CES1: variants seen among roughly 807,000 people sequenced by gnomAD.
The protein encoded by CES1 is liver carboxylesterase 1.
In CES1, 50 loss-of-function variants were observed where a neutral mutation model predicts 53.0. The observed-to-expected ratio is 0.94, with a 90% CI of 0.75 to 1.19. CES1 has a LOEUF of 1.19. Ranked by LOEUF, CES1 falls within the 50% of genes most tolerant of loss-of-function variation. The probability of loss-of-function intolerance (pLI) is 0.00; values close to 1 mark genes in which losing one functional copy is unlikely to be tolerated. For synonymous variants in CES1, 202 were observed against 210.1 expected, an observed-to-expected ratio of 0.96 and a Z score of 0.33; for missense variants, 534 against 538.0, an observed-to-expected ratio of 0.99 and a Z score of 0.07.
At chr16:55,812,585 C>A (rs1445045239) in intron 9 of CES1, among the ~76,000 whole-genome samples, 3 of 152,190 alleles carry the variant, frequency 2.0e-5, no homozygotes, top group African/African-American at 7.2e-5. Flanking sequence ...CTCCTCCACT[C>A]CTTCCCCCTT....
chr16:55,812,939 T>G lies in CES1; in HGVS notation c.1050A>C (p.Gly350=). 2 of 1,614,140 alleles carry G rather than the reference T, an allele frequency of 1.2e-6. No homozygotes were observed. Among genetic ancestry groups the G allele is most frequent in the Non-Finnish European group, 1.7e-6 (2 of 1,179,994 alleles). The stretch of plus-strand genomic sequence containing the variant: ...ACCAGCCAAACTCCTGCTTGTTAAT[T>G]CCGACCATGTAGGGGACAGTGTGGA... The part of the protein sequence containing the change: ...RNFHTVPYMV[G]INKQEFGWLI... Residue 350 remains glycine (G), a synonymous_variant, in exon 9 of 14, where the codon GGA becomes GGC. Transcript: ENST00000360526.
rs374393054 is a variant in CES1 at position 55,830,672 on chromosome 16, A to T, written c.53-1698T>A. Among the ~76,000 whole-genome samples the T allele has an allele frequency of 1.2e-4, 18 of 151,788 alleles. No homozygotes were observed. In the East Asian group the frequency reaches 2.9e-3, roughly 24 times the overall value. ...AGAAAAATTAGCTGGGTGTGGTAGC[A>T]TGTGCCTGTAATCCTGGCTCCTCCA... is the stretch of plus-strand genomic sequence containing the variant. On this transcript the variant is annotated intron_variant, in intron 1 of 13. Coordinates refer to ENST00000360526, the MANE Select transcript of CES1 (RefSeq NM_001025195.2).
At chr16:55,817,482 C>T (rs559649665) in intron 7 of CES1, among the ~76,000 whole-genome samples, 5 of 152,340 alleles carry the variant, frequency 3.3e-5, no homozygotes, top group African/African-American at 9.6e-5. Context: ...AAAGCCCTGA[C>T]TCACGCAAGC....
rs556643351 is a variant in CES1, at chr16:55,818,693, T to C, written c.906+842A>G. ...CCTTGAGAGCAGGGACTATGTCCAC[T>C]TCATGTCTGTTTTGCTACCTCTAAC... On this transcript the variant is annotated intron_variant, in intron 7 of 13. Transcript: ENST00000360526. Among the ~76,000 whole-genome samples, 3 of 152,066 alleles carry C rather than the reference T, an allele frequency of 2.0e-5. No homozygotes were observed. The South Asian group carries it at 6.2e-4, about 32-fold the overall frequency.
intron 5 of CES1, among the ~76,000 whole-genome samples, chr16:55,821,079 A>AGAGAG (rs1347233699): frequency 6.6e-6 from 1 of 151,746 alleles, no homozygotes; most frequent in Non-Finnish European, 1.5e-5. Flanking sequence ...AGAGAAAGAG[A>AGAGAG]GAGAGAGAGA....
intron 5 of CES1, among the ~76,000 whole-genome samples, chr16:55,821,013 C>T (rs780172434): frequency 1.3e-5 from 2 of 152,082 alleles, no homozygotes; most frequent in Non-Finnish European, 2.9e-5. Flanking sequence ...ATGCCTATTC[C>T]TACTTCCCAA....
rs144078935 is a variant in CES1, at chr16:55,819,579, G to A, written c.862C>T (p.Arg288Ter). The A allele has an allele frequency of 7.6e-5, 123 of 1,614,054 alleles. No individual in the cohort carries two copies. Among genetic ancestry groups the A allele is most frequent in the Middle Eastern group, 6.6e-4 (4 of 6,062 alleles). ...TTSAVMVHCLRQKTEEELLET... is the reference protein window; with the variant it reads ...TTSAVMVHCL ...AAGAGCTCCTCTTCCGTCTTCTGTC[G>A]CAGGCAGTGAACCATGACAGCAGAG... The change falls in exon 7 of 14, where the codon CGA becomes TGA. Residue 288 changes from arginine (R) to a stop codon, truncating the protein, a stop_gained. Transcript: ENST00000360526. LOFTEE classifies it high-confidence loss of function.
In CES1 at chr16:55,809,093, C is replaced by CAAAAAA. The variant is rs376932562; in HGVS notation, c.1318+1418_1318+1423dup. ...GTAGATAAAATCTGTGTAGTCCTGGCAAAAAAAAAAAAAAAAAAGCCCTGA... is the reference window on the plus strand; with the variant it reads ...GTAGATAAAATCTGTGTAGTCCTGGCAAAAAAAAAAAAAAAAAAAAAAAAGCCCTGA... On this transcript the variant is annotated intron_variant, in intron 11 of 13. Coordinates refer to ENST00000360526, the MANE Select transcript of CES1 (RefSeq NM_001025195.2). Among the ~76,000 whole-genome samples the CAAAAAA allele has an allele frequency of 4.5e-3, 326 of 71,990 alleles. 51 individuals are homozygous for CAAAAAA. The highest frequency in any genetic ancestry group is 0.014 in the African/African-American group (248 of 18,002). 47.2% of individuals were successfully genotyped at this position (71,990 alleles called of 152,430 possible).
chr16:55,830,803 A>AAGGAAGGAAGGAAGGG (rs1375372633), intron 1 of CES1, among the ~76,000 whole-genome samples: 2,937 of 145,434 alleles, frequency 0.02, 126 homozygotes, highest in African/African-American at 0.069. Context: ...GGAAGGAAGG[A>AAGGAAGGAAGGAAGGG]AGGAAGGAAG....
chr16:55,826,392 A>G, intron 2 of CES1, 97 bp from the exon 3 acceptor site: 12 of 1,425,326 alleles, frequency 8.4e-6, no homozygotes, highest in Non-Finnish European at 1.2e-5. Flanking sequence ...AAGCCTGGAA[A>G]TGGACTTGAT....
At chr16:55,826,094 C>T in intron 3 of CES1, 57 bp downstream of exon 3, 3 of 1,611,594 alleles carry the variant, frequency 1.9e-6, no homozygotes, top group Non-Finnish European at 8.5e-7. Flanking sequence ...CATTCTGCCC[C>T]AGAAGATGCG....
chr16:55,828,074 G>A (rs1338652272), intron 2 of CES1: 1 of 152,558 alleles, frequency 6.6e-6, no homozygotes. Context: ...GCGGCCACTG[G>A]TGGGCTGCTG....
chr16:55,827,085 A>G (rs534367150), intron 2 of CES1, among the ~76,000 whole-genome samples: 1 of 152,226 alleles, frequency 6.6e-6, no homozygotes, highest in East Asian at 1.9e-4. Flanking sequence ...CAAGTATATT[A>G]TAAGCAACAG....
chr16:55,819,958 C>G, intron 6 of CES1: 2 of 550,282 alleles, frequency 3.6e-6, no homozygotes, highest in South Asian at 4.0e-5. Flanking sequence ...CCTGAATTTC[C>G]TTGTCTGCTT....
chr16:55,818,702 G>A (rs372276905), intron 7 of CES1, among the ~76,000 whole-genome samples: 9 of 151,878 alleles, frequency 5.9e-5, no homozygotes, highest in African/African-American at 2.2e-4. Context: ...CTTCATGTCT[G>A]TTTTGCTACC....
intron 7 of CES1, among the ~76,000 whole-genome samples, chr16:55,819,259 A>G (rs1351657794): frequency 4.6e-5 from 7 of 152,244 alleles, no homozygotes; most frequent in Admixed American, 4.6e-4. Flanking sequence ...GTAACATTTA[A>G]TTTCTTAAAA....
In CES1 at chr16:55,833,092, T is replaced by C. The variant is rs764586605; in HGVS notation, c.-37A>G. ...GACAGTTCTCGGGGCCTGCGAGGTC[T>C]CTGTGCAGTTCAGAGGGACTGTGCT... is the stretch of plus-strand genomic sequence containing the variant. On this transcript the variant is annotated 5_prime_UTR_variant, in exon 1 of 14. Transcript: ENST00000360526. 2.0e-5 allele frequency: 30 copies of C among 1,522,508 alleles called. 2 individuals carry two copies. In the Admixed American group the frequency reaches 4.7e-4, roughly 24 times the overall value. The allele number at this position is 1,522,508 out of a possible 1,614,324, so 94.3% of individuals were successfully genotyped here.
rs780747572 is a variant in CES1, at chr16:55,819,619, C to A, written c.822G>T (p.Gly274=). Residue 274 remains glycine (G), a synonymous_variant, in exon 7 of 14, where the codon GGG becomes GGT. Transcript: ENST00000360526. ...TGACAGCAGAGGTGGTGGTTTTGCA[C>A]CCAGCAGTGATAGCAATTTGCTGCA... ...PLAEQIAITA[G]CKTTTSAVMV... is the part of the protein sequence containing the mutation. 10 of 1,613,946 alleles carry A rather than the reference C, an allele frequency of 6.2e-6. No homozygotes were observed. The highest frequency in any genetic ancestry group is 3.3e-5 in the Admixed American group (2 of 60,024).
chr16:55,823,004 C>T (rs756171521), intron 4 of CES1, among the ~76,000 whole-genome samples: 13 of 152,036 alleles, frequency 8.6e-5, no homozygotes, highest in Non-Finnish European at 1.5e-4. Context: ...CCTTGCTTCC[C>T]ACACTTGCCA....
Sources: allele counts gnomAD v4.1 joint callset (sites outside exome capture counted in the v4.1 genomes callset), GRCh38; gene constraint gnomAD v4.1.1; transcripts MANE v1.5; gene names NCBI Gene and HGNC (gene_info 2026-07-23, HGNC 2026-07-21).